Variants in DICER1 observed in about 807,000 individuals in gnomAD.
DICER1 encodes dicer 1, ribonuclease III.
In DICER1, 43 loss-of-function variants were observed where a neutral mutation model predicts 194.1. The ratio of observed to expected loss-of-function variants is 0.22; its 90% CI spans 0.17 to 0.29. DICER1 has a LOEUF of 0.29. Ranked by LOEUF, DICER1 falls within the 10% of genes least tolerant of loss-of-function variation. The pLI is 1.00. For missense variants in DICER1, 1,608 were observed against 2,317.0 expected, an observed-to-expected ratio of 0.69 and a Z score of 6.28; for synonymous variants, 832 against 820.5, an observed-to-expected ratio of 1.01 and a Z score of -0.24.
chr14:95,105,086 A>G lies in DICER1; in HGVS notation c.3254T>C (p.Leu1085Pro). The part of the protein sequence containing the change: ...ASDAGVGVRS[L>P]PADFRYPNLD... ...ACAGGCATACCTAAAATCCGCAGGA[A>G]GTGATCTGACTCCCACGCCAGCATC... The change falls in exon 20 of 27, where the codon CTT becomes CCT. Residue 1085 changes from leucine (L) to proline (P), a missense_variant. Leu to Pro is a moderately conservative substitution (Grantham distance 98). Coordinates refer to ENST00000343455, the MANE Select transcript of DICER1 (RefSeq NM_177438.3). The surrounding 1 kb of genome is among the most constrained non-coding windows in gnomAD (Gnocchi z 4.9). 1 of 1,614,164 alleles carries G rather than the reference A, an allele frequency of 6.2e-7. No homozygotes were observed. Among genetic ancestry groups the G allele is most frequent in the Admixed American group, 1.7e-5 (1 of 60,034 alleles).
At chr14:95,149,584 T>C (rs1362069995) in intron 1 of DICER1, among the ~76,000 whole-genome samples, 1 of 152,202 alleles carries the variant, frequency 6.6e-6, no homozygotes, top group East Asian at 1.9e-4. Context: ...GTTATTGCCA[T>C]CTCCCTCAAG....
intron 1 of DICER1, chr14:95,134,317 T>G (rs1405439341): frequency 6.6e-6 from 1 of 152,186 alleles, no homozygotes; most frequent in Non-Finnish European, 1.5e-5. Context: ...ACAGATAAAT[T>G]TGATTATGTA....
In DICER1 at chr14:95,111,285, T is replaced by C. The variant is rs1488963335; in HGVS notation, c.2256+32A>G. The C allele has an allele frequency of 1.7e-5, 28 of 1,613,758 alleles. No homozygotes were observed. Among genetic ancestry groups the C allele is most frequent in the Middle Eastern group, 3.3e-4 (2 of 6,084 alleles). On this transcript the variant is annotated intron_variant, in intron 14 of 26. Transcript: ENST00000343455. ...TAGCGGAAAACAAAGTCAGAAATGCTAGGTTTTTACTCTGTTCTAACCAAT... is the reference window on the plus strand; with the variant it reads ...TAGCGGAAAACAAAGTCAGAAATGCCAGGTTTTTACTCTGTTCTAACCAAT...
At position 95,115,816 on chromosome 14, in the gene DICER1, C is replaced by T. The variant is rs368558276; in HGVS notation, c.1758G>A (p.Leu586=). ...CAACCGACTTGGAACACTTGTTTCT[C>T]AAGATCTGAACATTTAAAAAACAGA... ...LKTYKAIEKI[L]RNKCSKSVDT... is the part of the protein sequence containing the mutation. The change falls in exon 11 of 27, where the codon TTG becomes TTA. Residue 586 remains leucine (L), a synonymous_variant. Transcript: ENST00000343455. 8.7e-6 allele frequency: 14 copies of T among 1,614,004 alleles called. No homozygotes were observed. Among genetic ancestry groups the T allele is most frequent in the Non-Finnish European group, 1.0e-5 (12 of 1,179,986 alleles).
rs2282265 is a variant in DICER1 at position 95,093,521 on chromosome 14, A to G, written c.5364+367T>C. ...CAAATATTTCTGATCCATTTAAAAAAGGAAGGATAAGCTACACTGGGCTTT... is the reference window on the plus strand; with the variant it reads ...CAAATATTTCTGATCCATTTAAAAAGGGAAGGATAAGCTACACTGGGCTTT... On this transcript the variant is annotated intron_variant, in intron 24 of 26. Coordinates refer to ENST00000343455, the MANE Select transcript of DICER1 (RefSeq NM_177438.3). 0.11 allele frequency among the ~76,000 whole-genome samples: 16,178 copies of G among 152,320 alleles called. 1,153 individuals are homozygous for G. Among genetic ancestry groups the G allele is most frequent in the East Asian group, 0.38 (1,954 of 5,172 alleles).
At chr14:95,152,014 C>G (rs993490644) in intron 1 of DICER1, among the ~76,000 whole-genome samples, 7 of 152,192 alleles carry the variant, frequency 4.6e-5, no homozygotes, top group Admixed American at 2.0e-4. Context: ...TTCAAGTTCT[C>G]TAAGTACAAC....
At chr14:95,101,884 G>A (rs753051533) in intron 21 of DICER1, among the ~76,000 whole-genome samples, 4 of 152,174 alleles carry the variant, frequency 2.6e-5, no homozygotes, top group Non-Finnish European at 4.4e-5. Context: ...TGGTGTGATG[G>A]TTCTATCCGG....
chr14:95,100,823 A>C (rs1272313049), intron 21 of DICER1, among the ~76,000 whole-genome samples: 1 of 152,196 alleles, frequency 6.6e-6, no homozygotes, highest in Non-Finnish European at 1.5e-5. Flanking sequence ...GGCAACCCTG[A>C]GGGAACGATG....
intron 1 of DICER1, among the ~76,000 whole-genome samples, chr14:95,151,450 T>C (rs1246527931): frequency 1.3e-5 from 2 of 152,246 alleles, no homozygotes; most frequent in African/African-American, 4.8e-5. Flanking sequence ...ATTACATTAA[T>C]TTTATCAAAT....
At chr14:95,094,228 C>T (rs1890113093) in intron 23 of DICER1, 72 bp from the exon 24 acceptor site, 1 of 1,548,576 alleles carries the variant, frequency 6.5e-7, no homozygotes, top group Non-Finnish European at 8.9e-7. Context: ...GCAACTGATC[C>T]CCAAATCCGA....
chr14:95,094,153 C>CA lies in DICER1; in HGVS notation c.5098dup (p.Cys1700LeufsTer23). 6.2e-7 allele frequency: 1 copy of CA among 1,614,106 alleles called. No individual in the cohort carries two copies. The highest frequency in any genetic ancestry group is 8.5e-7 in the Non-Finnish European group (1 of 1,180,014). ...TCCCAGGAATTCTAAGCGCTGGTAA[C>CA]AATCTGAGGGGATCCGAAGTGGAAC... On this transcript the variant is annotated frameshift_variant, in exon 24 of 27. Coordinates refer to ENST00000343455, the MANE Select transcript of DICER1 (RefSeq NM_177438.3). LOFTEE classifies it high-confidence loss of function.
rs540105465 is a variant in DICER1 at position 95,142,230 on chromosome 14, T to C, written c.-45-8727A>G. ...ACCGTGGCCTCCCAAAGTGCTGTAGTCCCAAAAGATTACCCAAATACCACT... is the reference window on the plus strand; with the variant it reads ...ACCGTGGCCTCCCAAAGTGCTGTAGCCCCAAAAGATTACCCAAATACCACT... On this transcript the variant is annotated intron_variant, in intron 1 of 26. Transcript: ENST00000343455. Among the ~76,000 whole-genome samples the C allele has an allele frequency of 3.3e-5, 5 of 152,122 alleles. No homozygotes were observed. The East Asian group carries it at 9.7e-4, about 29-fold the overall frequency.
chr14:95,103,848 T>C lies in DICER1; in HGVS notation c.3548A>G (p.Asn1183Ser), dbSNP rs1238231746. 2 of 1,614,142 alleles carry C rather than the reference T, an allele frequency of 1.2e-6. No homozygotes were observed. The highest frequency in any genetic ancestry group is 1.7e-6 in the Non-Finnish European group (2 of 1,180,030). Residue 1183 changes from asparagine (N) to serine (S), a missense_variant, in exon 21 of 27, where the codon AAT becomes AGT. Asn to Ser is a conservative substitution (Grantham distance 46). Around this residue, in one of 10 missense-constraint regions of DICER1, gnomAD observed 222 missense variants for 215.5 expected, o/e 1.03. Coordinates refer to ENST00000343455, the MANE Select transcript of DICER1 (RefSeq NM_177438.3). ...TAINGLSYNQNLANGSYDLAN... is the reference protein window; with the variant it reads ...TAINGLSYNQSLANGSYDLAN... Reference sequence around the variant, plus strand: ...TAAATCATAACTGCCATTGGCGAGATTTTGATTGTAAGAAAGACCATTAAT... The same window carrying C: ...TAAATCATAACTGCCATTGGCGAGACTTTGATTGTAAGAAAGACCATTAAT...
rs886639114 is a variant in DICER1, at chr14:95,088,927, T to C, written c.*1571A>G. 1.7e-5 allele frequency: 4 copies of C among 233,544 alleles called. No individual in the cohort carries two copies. Among genetic ancestry groups the C allele is most frequent in the Non-Finnish European group, 2.5e-5 (3 of 118,054 alleles). The allele number at this position is 233,544 out of a possible 1,614,324, so 14.5% of individuals were successfully genotyped here. A position where few individuals can be genotyped will look rare whatever the true frequency, so the allele number is the denominator to read the frequency against. The stretch of plus-strand genomic sequence containing the variant: ...TATGAGACACCTCTGCTCAGCTTTC[T>C]TAAACTTCAAGCATAATTAACGGGG... On this transcript the variant is annotated 3_prime_UTR_variant, in exon 27 of 27. Transcript: ENST00000343455.
chr14:95,106,171 C>T lies in DICER1; in HGVS notation c.2857G>A (p.Asp953Asn), dbSNP rs745810853. ...HRFYVADVYT[D>N]LTPLSKFPSP... is the part of the protein sequence containing the mutation. The stretch of plus-strand genomic sequence containing the variant: ...GGAAATTTACTGAGTGGGGTAAGAT[C>T]AGTGTACACATCAGCTACATAAAAT... The change falls in exon 18 of 27, where the codon GAT becomes AAT. Residue 953 changes from aspartate (D) to asparagine (N), a missense_variant. Physicochemically the swap from Asp to Asn is conservative, Grantham distance 23. This residue lies in a region of DICER1 where 150 missense variants were observed against 216.0 expected (regional missense o/e 0.69). Transcript: ENST00000343455. The T allele has an allele frequency of 1.2e-6, 2 of 1,614,070 alleles. No individual in the cohort carries two copies. Among genetic ancestry groups the T allele is most frequent in the Non-Finnish European group, 1.7e-6 (2 of 1,179,970 alleles).
At position 95,125,406 on chromosome 14, in the gene DICER1, T is replaced by A. The variant is rs187248628; in HGVS notation, c.904-738A>T. ...ATTAACATCTCAGCTAAATTCAGAC[T>A]CTGATCCTGGACCCTCCCAGAGTGC... is the stretch of plus-strand genomic sequence containing the variant. On this transcript the variant is annotated intron_variant, in intron 7 of 26. Transcript: ENST00000343455. 5.3e-5 allele frequency among the ~76,000 whole-genome samples: 8 copies of A among 150,328 alleles called. No homozygotes were observed. In the East Asian group the frequency reaches 1.6e-3, roughly 30 times the overall value.
In DICER1 at chr14:95,105,818, C is replaced by T. The variant is rs781052310; in HGVS notation, c.2988-35G>A. ...TTCCAAAACAATTTTATCAAACACA[C>T]AAAAATGAGTACATATTCACAGTGG... On this transcript the variant is annotated intron_variant, in intron 18 of 26. Transcript: ENST00000343455. This position sits in a 1 kb window ranked among gnomAD's most constrained non-coding sequence, Gnocchi z 4.9. 6.4e-7 allele frequency: 1 copy of T among 1,565,998 alleles called. No individual in the cohort carries two copies. The highest frequency in any genetic ancestry group is 8.8e-7 in the Non-Finnish European group (1 of 1,136,616).
intron 1 of DICER1, among the ~76,000 whole-genome samples, chr14:95,136,144 G>A (rs1210775669): frequency 6.7e-6 from 1 of 150,228 alleles, no homozygotes; most frequent in Non-Finnish European, 1.5e-5. Flanking sequence ...AGCAAGTGGG[G>A]CAAAATGGGT....
chr14:95,101,000 G>A (rs893171913), intron 21 of DICER1, among the ~76,000 whole-genome samples: 6 of 152,114 alleles, frequency 3.9e-5, no homozygotes, highest in African/African-American at 7.2e-5. Context: ...CATCACAAGC[G>A]CCAAGAAGAG....
Sources: gnomAD v4.1 joint callset for allele counts (sites outside exome capture counted in the v4.1 genomes callset) on GRCh38, gnomAD v4.1.1 for gene constraint, gnomAD v4.1.1 regional missense constraint, Gnocchi (gnomAD v3.1) non-coding constraint, MANE v1.5 for transcripts, NCBI Gene and HGNC (gene_info 2026-07-23, HGNC 2026-07-21) for gene names.